FGF14: variants seen among roughly 807,000 people sequenced by gnomAD.
FGF14 encodes fibroblast growth factor homologous factor 4.
In FGF14, 5 loss-of-function variants were observed where a neutral mutation model predicts 25.5. The observed-to-expected ratio is 0.20, with a 90% CI of 0.10 to 0.41. FGF14 has a LOEUF of 0.41. Among genes scored for constraint, FGF14 ranks in the 10% least tolerant of loss-of-function variants. The probability of loss-of-function intolerance (pLI) is 1.00; values close to 1 mark genes in which losing one functional copy is unlikely to be tolerated. For synonymous variants in FGF14, 138 were observed against 118.3 expected (o/e 1.17, Z -1.08); for missense variants, 222 against 320.1 (o/e 0.69, Z 2.34).
At chr13:102,272,122 C>T (rs2053278369) in intron 1 of FGF14, among the ~76,000 whole-genome samples, 1 of 152,190 alleles carries the variant, frequency 6.6e-6, no homozygotes, top group Non-Finnish European at 1.5e-5. Flanking sequence ...TCTCCAGCCA[C>T]TCTGACATTT....
intron 1 of FGF14, among the ~76,000 whole-genome samples, chr13:102,126,887 C>T (rs1260622419): frequency 6.6e-6 from 1 of 152,112 alleles, no homozygotes; most frequent in East Asian, 1.9e-4. Flanking sequence ...ACGGGATTGG[C>T]AGGTAATTCT....
chr13:101,932,936 G>A (rs1279333228), intron 1 of FGF14, among the ~76,000 whole-genome samples: 1 of 152,072 alleles, frequency 6.6e-6, no homozygotes, highest in Non-Finnish European at 1.5e-5. Flanking sequence ...TAGCAGCTGA[G>A]GGGAAAATGG....
intron 1 of FGF14, among the ~76,000 whole-genome samples, chr13:102,031,736 A>T (rs776502250): frequency 5.9e-5 from 9 of 152,108 alleles, no homozygotes; most frequent in Non-Finnish European, 1.2e-4. Context: ...GAGTCCATAA[A>T]TGGGTCCCCT....
chr13:102,107,489 T>G (rs537377264), intron 1 of FGF14, among the ~76,000 whole-genome samples: 5 of 152,168 alleles, frequency 3.3e-5, no homozygotes, highest in African/African-American at 1.2e-4. Context: ...TGGTGAGATA[T>G]TCAAAGGTGA....
chr13:102,286,421 T>G (rs887309134), intron 1 of FGF14, among the ~76,000 whole-genome samples: 3 of 152,212 alleles, frequency 2.0e-5, no homozygotes, highest in Non-Finnish European at 4.4e-5. Context: ...ATCTGTACTT[T>G]ACACTCAGTC....
chr13:102,160,487 C>A (rs1027811058), intron 1 of FGF14, among the ~76,000 whole-genome samples: 1 of 152,162 alleles, frequency 6.6e-6, no homozygotes, highest in East Asian at 1.9e-4. Context: ...TGCCCCGACC[C>A]TTCGTCTCAG....
intron 3 of FGF14, among the ~76,000 whole-genome samples, chr13:101,736,721 G>A (rs1594077521): frequency 6.6e-6 from 1 of 152,010 alleles, no homozygotes; most frequent in African/African-American, 2.4e-5. Flanking sequence ...TATGCTAAAG[G>A]CTTTGCATAC....
chr13:101,813,318 C>A (rs2041671968), intron 3 of FGF14, among the ~76,000 whole-genome samples: 1 of 152,080 alleles, frequency 6.6e-6, no homozygotes, highest in South Asian at 2.1e-4. Context: ...AAGGTGGGGG[C>A]TTTAGGAGGA....
At chr13:101,819,038 A>G (rs2041982298) in intron 3 of FGF14, among the ~76,000 whole-genome samples, 1 of 152,186 alleles carries the variant, frequency 6.6e-6, no homozygotes, top group South Asian at 2.1e-4. Flanking sequence ...CAAAACTGAC[A>G]GCAGCCACTT....
At chr13:101,860,190 C>G (rs1323189) in intron 3 of FGF14, among the ~76,000 whole-genome samples, 88,009 of 151,862 alleles carry the variant, frequency 0.58, 25,849 homozygotes, top group South Asian at 0.76. Context: ...GTCTTGCTTT[C>G]TTTCTATCAT....
chr13:102,175,749 G>T (rs752872965), intron 1 of FGF14, among the ~76,000 whole-genome samples: 2 of 151,958 alleles, frequency 1.3e-5, no homozygotes, highest in African/African-American at 2.4e-5. Context: ...TCATTAAAGA[G>T]TTGACAAAGA....
At chr13:102,368,141 A>G (rs749483094) in intron 1 of FGF14, 1 of 152,172 alleles carries the variant, frequency 6.6e-6, no homozygotes, top group South Asian at 2.1e-4. Context: ...ATAAACCTTT[A>G]TATTACTAGG....
intron 3 of FGF14, among the ~76,000 whole-genome samples, chr13:101,856,976 A>G (rs923821739): frequency 3.3e-5 from 5 of 151,962 alleles, no homozygotes; most frequent in African/African-American, 9.7e-5. Flanking sequence ...GGAAAGGCAG[A>G]TGAGTTCATT....
intron 3 of FGF14, among the ~76,000 whole-genome samples, chr13:101,813,372 G>A (rs904392915): frequency 1.5e-4 from 23 of 152,168 alleles, no homozygotes; most frequent in African/African-American, 5.6e-4. Flanking sequence ...TGGGGCTCTA[G>A]TAAAAGGGCT....
chr13:102,358,132 T>C (rs1489328183), intron 1 of FGF14, among the ~76,000 whole-genome samples: 2 of 152,222 alleles, frequency 1.3e-5, no homozygotes, highest in East Asian at 1.9e-4. Context: ...CCTTTAAAAA[T>C]TATATTAGAA....
chr13:101,855,682 G>A (rs1233313763), intron 3 of FGF14, among the ~76,000 whole-genome samples: 1 of 151,934 alleles, frequency 6.6e-6, no homozygotes, highest in East Asian at 1.9e-4. Context: ...GGTTTGAAAA[G>A]TCTGAGGGAT....
intron 1 of FGF14, among the ~76,000 whole-genome samples, chr13:102,122,495 T>C (rs867824998): frequency 6.6e-6 from 1 of 152,218 alleles, no homozygotes; most frequent in Non-Finnish European, 1.5e-5. Flanking sequence ...GCTCATCATA[T>C]AGAGCGCTCT....
At chr13:101,822,906 T>C (rs1378659751) in intron 3 of FGF14, among the ~76,000 whole-genome samples, 1 of 152,230 alleles carries the variant, frequency 6.6e-6, no homozygotes, top group Non-Finnish European at 1.5e-5. Context: ...TCCCAGCCAC[T>C]GGTAACCATC....
intron 1 of FGF14, among the ~76,000 whole-genome samples, chr13:102,117,465 G>A (rs764452540): frequency 3.3e-5 from 5 of 152,116 alleles, no homozygotes; most frequent in Non-Finnish European, 5.9e-5. Context: ...ACTCGGCTTC[G>A]TAGAGGAATC....
Sources: allele counts gnomAD v4.1 joint callset (sites outside exome capture counted in the v4.1 genomes callset), GRCh38; gene constraint gnomAD v4.1.1; transcripts MANE v1.5; gene names NCBI Gene and HGNC (gene_info 2026-07-23, HGNC 2026-07-21).